Variants in EPHA5 observed in about 807,000 individuals in gnomAD.
EPHA5 encodes ephrin type-A receptor 5.
A neutral mutation model predicts 105.0 loss-of-function variants in EPHA5; 60 were observed. The observed-to-expected ratio is 0.57, with a 90% confidence interval of 0.46 to 0.71. EPHA5 has a LOEUF of 0.71. EPHA5 is among the 30% of genes least tolerant of loss of function. The pLI is 0.00. For synonymous variants in EPHA5, 513 were observed against 449.1 expected, an observed-to-expected ratio of 1.14 and a Z score of -1.80; for missense variants, 1,218 against 1,274.7, an observed-to-expected ratio of 0.96 and a Z score of 0.68.
At chr4:65,600,100 T>A (rs1302885501) in intron 3 of EPHA5, among the ~76,000 whole-genome samples, 2 of 152,130 alleles carry the variant, frequency 1.3e-5, no homozygotes, top group African/African-American at 4.8e-5. Context: ...AAATAATTAA[T>A]AAGATTTATA....
chr4:65,348,698 A>ATATATAT (rs1491144544), intron 13 of EPHA5, among the ~76,000 whole-genome samples: 3 of 19,834 alleles, frequency 1.5e-4, no homozygotes, highest in African/African-American at 3.8e-4. Flanking sequence ...ATATATATAT[A>ATATATAT]AAATATATAT....
chr4:65,522,316 G>GTGTATATATATATATATATATATATA (rs777066757), intron 3 of EPHA5, among the ~76,000 whole-genome samples: 34 of 142,864 alleles, frequency 2.4e-4, no homozygotes, highest in African/African-American at 9.1e-4. Context: ...ATATATATAT[G>GTGTATATATATATATATATATATATA]TATATATATA....
intron 5 of EPHA5, among the ~76,000 whole-genome samples, chr4:65,463,121 C>CT (rs1560564260): frequency 6.6e-6 from 1 of 152,108 alleles, no homozygotes. Flanking sequence ...TCAATAACAT[C>CT]TTTTTTTAAA....
At chr4:65,614,660 A>G (rs577805556) in intron 2 of EPHA5, among the ~76,000 whole-genome samples, 22 of 151,948 alleles carry the variant, frequency 1.4e-4, no homozygotes, top group African/African-American at 5.1e-4. Flanking sequence ...CATACATTTA[A>G]CTGACTGTTT....
intron 13 of EPHA5, among the ~76,000 whole-genome samples, chr4:65,348,973 G>A (rs1025671510): frequency 4.6e-5 from 7 of 150,608 alleles, no homozygotes; most frequent in East Asian, 2.0e-4. Flanking sequence ...GCGCTATCAT[G>A]CCTGGCTAAT....
intron 8 of EPHA5, among the ~76,000 whole-genome samples, chr4:65,395,575 T>A (rs755213818): frequency 2.0e-5 from 3 of 152,236 alleles, no homozygotes; most frequent in Non-Finnish European, 4.4e-5. Flanking sequence ...TGATAGCCTC[T>A]GTTATAGTAT....
intron 3 of EPHA5, among the ~76,000 whole-genome samples, chr4:65,552,032 C>T (rs1464799706): frequency 6.6e-6 from 1 of 152,108 alleles, no homozygotes; most frequent in African/African-American, 2.4e-5. Context: ...ATTTAGGCCT[C>T]GATTATTTCT....
At chr4:65,589,309 A>T (rs145200690) in intron 3 of EPHA5, among the ~76,000 whole-genome samples, 45 of 152,062 alleles carry the variant, frequency 3.0e-4, no homozygotes, top group African/African-American at 1.0e-3. Flanking sequence ...ATTTTTTTTC[A>T]CCTGAATAAA....
chr4:65,607,100 G>A lies in EPHA5; in HGVS notation c.247-4796C>T, dbSNP rs138004625. On this transcript the variant is annotated intron_variant, in intron 2 of 16. Coordinates refer to ENST00000613740, the MANE Select transcript of EPHA5 (RefSeq NM_001281766.3). ...ATTGTGATTTTCATTGTGCAAATGT[G>A]TGTGGTATGTTTTGTTTCACACACT... 2.6e-5 allele frequency among the ~76,000 whole-genome samples: 4 copies of A among 152,094 alleles called. No homozygotes were observed. In the South Asian group the frequency reaches 8.3e-4, roughly 32 times the overall value.
chr4:65,600,182 T>A (rs1560754676), intron 3 of EPHA5, among the ~76,000 whole-genome samples: 2 of 152,168 alleles, frequency 1.3e-5, no homozygotes, highest in Non-Finnish European at 2.9e-5. Context: ...TTTAATTACA[T>A]AAAACCTCAC....
At chr4:65,669,095 G>A (rs1750222590) in intron 1 of EPHA5, among the ~76,000 whole-genome samples, 1 of 151,872 alleles carries the variant, frequency 6.6e-6, no homozygotes, top group African/African-American at 2.4e-5. Flanking sequence ...CCCCCACAAC[G>A]TTTCCCATCA....
intron 4 of EPHA5, among the ~76,000 whole-genome samples, chr4:65,491,004 G>A (rs1275531905): frequency 1.3e-5 from 2 of 151,982 alleles, no homozygotes; most frequent in Admixed American, 6.6e-5. Flanking sequence ...AATATTATAA[G>A]ATAAAATTAA....
intron 15 of EPHA5, among the ~76,000 whole-genome samples, chr4:65,333,253 C>T (rs1414891049): frequency 6.6e-6 from 1 of 151,532 alleles, no homozygotes; most frequent in Non-Finnish European, 1.5e-5. Context: ...AGAAAAAGGA[C>T]ACAAATACCT....
At chr4:65,488,316 A>C (rs758388494) in intron 5 of EPHA5, among the ~76,000 whole-genome samples, 2 of 152,246 alleles carry the variant, frequency 1.3e-5, no homozygotes, top group Non-Finnish European at 2.9e-5. Context: ...AGTTAAGGTT[A>C]TGCAAGCTGG....
intron 14 of EPHA5, among the ~76,000 whole-genome samples, chr4:65,345,473 G>T (rs1235186674): frequency 1.3e-5 from 2 of 152,226 alleles, no homozygotes. Flanking sequence ...ACAGATATCT[G>T]CAAAGAGAAG....
intron 1 of EPHA5, among the ~76,000 whole-genome samples, chr4:65,664,217 A>T (rs909158528): frequency 3.3e-5 from 5 of 151,924 alleles, no homozygotes; most frequent in Non-Finnish European, 7.4e-5. Context: ...ATTTTGAAAT[A>T]AACATTTTCA....
At chr4:65,625,956 C>CGG (rs1397175266) in intron 2 of EPHA5, among the ~76,000 whole-genome samples, 2 of 151,910 alleles carry the variant, frequency 1.3e-5, no homozygotes, top group South Asian at 4.1e-4. Context: ...AAAAATTATC[C>CGG]GCGTTTGGTG....
At chr4:65,468,608 TA>T (rs1483523498) in intron 5 of EPHA5, among the ~76,000 whole-genome samples, 4 of 131,950 alleles carry the variant, frequency 3.0e-5, no homozygotes, top group Non-Finnish European at 6.2e-5. Context: ...ATATATTATA[TA>T]TATTATATAT....
intron 14 of EPHA5, among the ~76,000 whole-genome samples, chr4:65,346,084 C>T (rs1253585003): frequency 2.8e-5 from 4 of 145,408 alleles, no homozygotes; most frequent in East Asian, 2.0e-4. Context: ...TTTTCTCTCT[C>T]TTTTTTTTTT....
Sources: allele counts gnomAD v4.1 joint callset (sites outside exome capture counted in the v4.1 genomes callset), GRCh38; gene constraint gnomAD v4.1.1; transcripts MANE v1.5; gene names NCBI Gene and HGNC (gene_info 2026-07-23, HGNC 2026-07-21).